The following GSK3B variants were observed in gnomAD, a reference collection of about 807,000 sequenced individuals.
GSK3B encodes the protein glycogen synthase kinase 3 beta.
Under a neutral mutation model 56.4 loss-of-function variants are expected in GSK3B, and 15 were observed. The observed-to-expected ratio is 0.27, with a 90% CI of 0.18 to 0.41. The LOEUF (loss-of-function observed/expected upper bound fraction) is 0.41. GSK3B is among the 10% of genes least tolerant of loss of function. GSK3B has a pLI of 1.00. For synonymous variants in GSK3B, 181 were observed against 188.9 expected (o/e 0.96, Z 0.34); for missense variants, 300 against 513.4 (o/e 0.58, Z 4.02).
At chr3:119,833,558 AGC>A in intron 10 of GSK3B, among the ~76,000 whole-genome samples, 1 of 152,256 alleles carries the variant, frequency 6.6e-6, no homozygotes, top group African/African-American at 2.4e-5. Context: ...TCAAGTTCTC[AGC>A]TACAAAATTA....
chr3:120,054,656 T>C (rs1369248301), intron 1 of GSK3B, among the ~76,000 whole-genome samples: 1 of 152,154 alleles, frequency 6.6e-6, no homozygotes, highest in Non-Finnish European at 1.5e-5. Context: ...CTTCTCCTAC[T>C]AAAAATTCTC....
At chr3:120,026,534 C>CACACACACAA (rs2057927227) in intron 1 of GSK3B, among the ~76,000 whole-genome samples, 1 of 143,302 alleles carries the variant, frequency 7.0e-6, no homozygotes, top group East Asian at 2.0e-4. Flanking sequence ...CACACACACA[C>CACACACACAA]ACACACACAC....
chr3:119,898,362 G>T (rs1360315351), intron 7 of GSK3B, among the ~76,000 whole-genome samples: 3 of 152,142 alleles, frequency 2.0e-5, no homozygotes, highest in African/African-American at 7.2e-5. Flanking sequence ...CAAAGGAATT[G>T]TGGGGACCAT....
intron 1 of GSK3B, among the ~76,000 whole-genome samples, chr3:120,086,438 T>C (rs1361598721): frequency 6.6e-6 from 1 of 152,210 alleles, no homozygotes; most frequent in Non-Finnish European, 1.5e-5. Context: ...AGATATTTTA[T>C]GTAGTTTATG....
chr3:120,022,340 A>T (rs2057886117), intron 1 of GSK3B, among the ~76,000 whole-genome samples: 1 of 152,242 alleles, frequency 6.6e-6, no homozygotes, highest in South Asian at 2.1e-4. Flanking sequence ...TATAGTGCAA[A>T]CGTAACTTTT....
Position 120,032,411 on chromosome 3 carries a change from G to A in GSK3B, c.89-30172C>T, listed in dbSNP as rs183621455. Among the ~76,000 whole-genome samples the A allele has an allele frequency of 3.5e-4, 53 of 152,072 alleles. 1 individual carries two copies. The East Asian group carries it at 8.5e-3, about 24-fold the overall frequency. ...AATCGCTTGAACCCAGGAGGCGGAG[G>A]TTGCAGTGAGCCGAGATTGTGCCAC... On this transcript the variant is annotated intron_variant, in intron 1 of 10. Transcript: ENST00000264235.
chr3:119,921,050 G>GT (rs2056835545), intron 4 of GSK3B, among the ~76,000 whole-genome samples: 1 of 152,182 alleles, frequency 6.6e-6, no homozygotes, highest in Admixed American at 6.5e-5. Flanking sequence ...GAAGAAATGT[G>GT]TAAGATGAAC....
At chr3:120,044,517 G>C (rs1420994099) in intron 1 of GSK3B, among the ~76,000 whole-genome samples, 1 of 152,078 alleles carries the variant, frequency 6.6e-6, no homozygotes, top group Non-Finnish European at 1.5e-5. Context: ...AAAAGTAAGA[G>C]AAGCCCCTTA....
chr3:119,989,982 C>A (rs951146630), intron 2 of GSK3B, among the ~76,000 whole-genome samples: 2 of 152,268 alleles, frequency 1.3e-5, no homozygotes, highest in South Asian at 4.1e-4. Flanking sequence ...TCTGGATTGA[C>A]AGAGTAGGAG....
At chr3:120,078,383 C>G (rs1456791757) in intron 1 of GSK3B, among the ~76,000 whole-genome samples, 2 of 152,110 alleles carry the variant, frequency 1.3e-5, no homozygotes, top group Non-Finnish European at 2.9e-5. Flanking sequence ...AAGACAATCT[C>G]CTGTCTCTGG....
chr3:120,052,919 T>C (rs925520633), intron 1 of GSK3B, among the ~76,000 whole-genome samples: 1 of 152,216 alleles, frequency 6.6e-6, no homozygotes, highest in African/African-American at 2.4e-5. Flanking sequence ...AACTTAAAGA[T>C]GAAGAAAGCT....
At chr3:120,023,497 C>T (rs1375995914) in intron 1 of GSK3B, among the ~76,000 whole-genome samples, 2 of 151,902 alleles carry the variant, frequency 1.3e-5, no homozygotes, top group Non-Finnish European at 2.9e-5. Context: ...GGTTTTAATA[C>T]TTAATATGGT....
rs1188257879 is a variant in GSK3B at position 119,823,267 on chromosome 3, A to T, written c.*3521T>A. 5 of 218,566 alleles carry T rather than the reference A, an allele frequency of 2.3e-5. No homozygotes were observed. Among genetic ancestry groups the T allele is most frequent in the Non-Finnish European group, 3.7e-5 (4 of 108,756 alleles). 13.5% of individuals were successfully genotyped at this position (218,566 alleles called of 1,614,324 possible). On this transcript the variant is annotated 3_prime_UTR_variant, in exon 11 of 11. Transcript: ENST00000264235. ...AGTAAGAATTAAACTGATTTTTTTT[A>T]AAAGAAATTAAAATGATATTTCATT...
At chr3:120,073,990 AT>A (rs1231997174) in intron 1 of GSK3B, among the ~76,000 whole-genome samples, 33 of 152,344 alleles carry the variant, frequency 2.2e-4, no homozygotes, top group African/African-American at 7.9e-4. Flanking sequence ...AAGTGGAGAC[AT>A]TACAATAGAA....
intron 3 of GSK3B, among the ~76,000 whole-genome samples, chr3:119,926,616 T>C (rs2056891649): frequency 2.0e-5 from 3 of 152,170 alleles, no homozygotes; most frequent in African/African-American, 7.2e-5. Flanking sequence ...GTCTATAAGG[T>C]ACTACACACC....
At chr3:119,976,048 TAAA>T (rs1417236729) in intron 2 of GSK3B, among the ~76,000 whole-genome samples, 1 of 152,250 alleles carries the variant, frequency 6.6e-6, no homozygotes, top group South Asian at 2.1e-4. Context: ...ATGGGTATAA[TAAA>T]AAACTAGATA....
chr3:119,825,304 TAG>T lies in GSK3B; in HGVS notation c.*1482_*1483del, dbSNP rs2055486306. On this transcript the variant is annotated 3_prime_UTR_variant, in exon 11 of 11. Transcript: ENST00000264235. ...AAAATCTATTTCCTCACGGCAAACA[TAG>T]TCCTTCAATTCTCCTTGCTTTCCAA... is the stretch of plus-strand genomic sequence containing the variant. The T allele has an allele frequency of 4.4e-6, 1 of 229,270 alleles. No homozygotes were observed. Among genetic ancestry groups the T allele is most frequent in the African/African-American group, 2.2e-5 (1 of 45,122 alleles). The allele number at this position is 229,270 out of a possible 1,614,324, so 14.2% of individuals were successfully genotyped here.
rs576547207 is a variant in GSK3B at position 120,025,919 on chromosome 3, C to A, written c.89-23680G>T. Among the ~76,000 whole-genome samples, 5 of 152,286 alleles carry A rather than the reference C, an allele frequency of 3.3e-5. No homozygotes were observed. In the East Asian group the frequency reaches 9.7e-4, roughly 29 times the overall value. Reference sequence around the variant, plus strand: ...CCTTTTTAGGCCTTAGTTTCCCTATCTGTACACTGAAAGGACTGGATAAAT... The same window carrying A: ...CCTTTTTAGGCCTTAGTTTCCCTATATGTACACTGAAAGGACTGGATAAAT... On this transcript the variant is annotated intron_variant, in intron 1 of 10. Coordinates refer to ENST00000264235, the MANE Select transcript of GSK3B (RefSeq NM_001146156.2).
At chr3:119,889,873 AAGAT>A (rs748805409) in intron 7 of GSK3B, among the ~76,000 whole-genome samples, 6 of 152,134 alleles carry the variant, frequency 3.9e-5, no homozygotes, top group African/African-American at 1.4e-4. Flanking sequence ...AATCATAAGA[AAGAT>A]AGAGTGCCTA....
Sources: allele counts gnomAD v4.1 joint callset (sites outside exome capture counted in the v4.1 genomes callset), GRCh38; gene constraint gnomAD v4.1.1; transcripts MANE v1.5; gene names NCBI Gene and HGNC (gene_info 2026-07-23, HGNC 2026-07-21).